CEP112: variants seen among roughly 807,000 people sequenced by gnomAD.
CEP112 encodes the protein centrosomal protein of 112 kDa.
A neutral mutation model predicts 153.0 loss-of-function variants in CEP112; 127 were observed. The observed-to-expected ratio is 0.83, with a 90% confidence interval of 0.72 to 0.96. The LOEUF (loss-of-function observed/expected upper bound fraction) is 0.96, where lower values mean the gene tolerates loss of function less well. CEP112 is among the 40% of genes least tolerant of loss of function. The pLI, the probability that CEP112 is intolerant of heterozygous loss-of-function variation, is 0.00. For missense variants in CEP112, 1,089 were observed against 1,101.2 expected, an observed-to-expected ratio of 0.99 and a Z score of 0.16; for synonymous variants, 358 against 374.4, an observed-to-expected ratio of 0.96 and a Z score of 0.51.
chr17:65,940,208 C>T (rs929891290), intron 18 of CEP112, among the ~76,000 whole-genome samples: 1 of 152,060 alleles, frequency 6.6e-6, no homozygotes, highest in African/African-American at 2.4e-5. Flanking sequence ...ACTGTTAGAA[C>T]AGTTTTTATC....
chr17:65,733,311 G>A (rs1405368282), intron 23 of CEP112, among the ~76,000 whole-genome samples: 1 of 152,046 alleles, frequency 6.6e-6, no homozygotes, highest in Non-Finnish European at 1.5e-5. Context: ...TAGTAACATC[G>A]AAGATCACTG....
intron 23 of CEP112, among the ~76,000 whole-genome samples, chr17:65,696,789 C>T (rs1045919146): frequency 4.6e-5 from 7 of 151,446 alleles, no homozygotes; most frequent in African/African-American, 1.5e-4. Context: ...TAAAAGCTTC[C>T]GTAATAAAAA....
chr17:65,806,177 C>T (rs1316669186), intron 21 of CEP112, among the ~76,000 whole-genome samples: 2 of 152,072 alleles, frequency 1.3e-5, no homozygotes, highest in East Asian at 3.9e-4. Flanking sequence ...TGTACTGGTG[C>T]CTAAAACATG....
chr17:65,965,704 T>G (rs1171869678), intron 17 of CEP112, among the ~76,000 whole-genome samples: 1 of 151,826 alleles, frequency 6.6e-6, no homozygotes, highest in African/African-American at 2.4e-5. Flanking sequence ...TTCTTTTTTG[T>G]AGAAATGGGG....
At chr17:66,027,073 A>G (rs2065243125) in intron 16 of CEP112, among the ~76,000 whole-genome samples, 1 of 152,248 alleles carries the variant, frequency 6.6e-6, no homozygotes, top group South Asian at 2.1e-4. Flanking sequence ...AGCTGAAATT[A>G]ACTTAGAAAC....
At chr17:65,843,227 T>C (rs1226553349) in intron 21 of CEP112, among the ~76,000 whole-genome samples, 2 of 152,182 alleles carry the variant, frequency 1.3e-5, no homozygotes, top group African/African-American at 4.8e-5. Flanking sequence ...TTTTACCTGG[T>C]AAATTAAATT....
intron 23 of CEP112, among the ~76,000 whole-genome samples, chr17:65,732,106 T>A (rs2050541173): frequency 6.6e-6 from 1 of 152,194 alleles, no homozygotes; most frequent in Non-Finnish European, 1.5e-5. Flanking sequence ...GCAGCTACAG[T>A]CTTATGAAGT....
chr17:66,181,146 G>A (rs1379972476), intron 2 of CEP112, among the ~76,000 whole-genome samples: 1 of 152,042 alleles, frequency 6.6e-6, no homozygotes, highest in Non-Finnish European at 1.5e-5. Context: ...ATTCCTCTAT[G>A]TAAAATAATG....
chr17:65,986,284 A>G (rs2063404382), intron 17 of CEP112, among the ~76,000 whole-genome samples: 1 of 152,208 alleles, frequency 6.6e-6, no homozygotes. Context: ...AAATAGACTA[A>G]TTAAAAATAT....
In CEP112 at chr17:66,183,209, A is replaced by C. The variant is rs779415676; in HGVS notation, c.91T>G (p.Leu31Val). The C allele has an allele frequency of 6.2e-7, 1 of 1,602,540 alleles. No individual in the cohort carries two copies. Among genetic ancestry groups the C allele is most frequent in the Admixed American group, 1.7e-5 (1 of 58,574 alleles). Reference protein sequence around the residue: ...VVDMKPFVLKLPHRTERQRCA... With the variant: ...VVDMKPFVLKVPHRTERQRCA... ...ATAATCTTACCTGTCCTATGAGGTA[A>C]TTTTAGAACAAAGGGCTTCATATCA... The change falls in exon 2 of 27, where the codon TTA becomes GTA. Residue 31 changes from leucine (L) to valine (V), a missense_variant. Leu to Val is a conservative substitution (Grantham distance 32, BLOSUM62 1). Transcript: ENST00000535342.
intron 8 of CEP112, among the ~76,000 whole-genome samples, chr17:66,080,360 A>G (rs2067668816): frequency 6.6e-6 from 1 of 152,220 alleles, no homozygotes; most frequent in South Asian, 2.1e-4. Flanking sequence ...AAGGATAGAA[A>G]CAGACACTTC....
chr17:66,180,035 C>T (rs774528884), intron 2 of CEP112, among the ~76,000 whole-genome samples: 25 of 152,052 alleles, frequency 1.6e-4, no homozygotes, highest in Non-Finnish European at 3.2e-4. Flanking sequence ...TGGGATAAAT[C>T]CTAGTTGGTC....
At chr17:65,849,575 A>G (rs2057852894) in intron 21 of CEP112, among the ~76,000 whole-genome samples, 1 of 152,228 alleles carries the variant, frequency 6.6e-6, no homozygotes, top group Non-Finnish European at 1.5e-5. Context: ...TATTAAAAAG[A>G]GGCATTTGGA....
chr17:65,836,535 G>A (rs1242423576), intron 21 of CEP112, among the ~76,000 whole-genome samples: 1 of 152,046 alleles, frequency 6.6e-6, no homozygotes, highest in African/African-American at 2.4e-5. Context: ...TGTAAAAAGA[G>A]AGACAAAGAA....
At chr17:65,696,181 A>G (rs1042150405) in intron 23 of CEP112, among the ~76,000 whole-genome samples, 2 of 152,180 alleles carry the variant, frequency 1.3e-5, no homozygotes, top group Non-Finnish European at 2.9e-5. Context: ...AGCAGTTCTC[A>G]TTGAGTTGAA....
intron 16 of CEP112, among the ~76,000 whole-genome samples, chr17:66,011,628 T>C (rs1469845841): frequency 5.9e-5 from 9 of 152,164 alleles, no homozygotes; most frequent in Admixed American, 5.9e-4. Context: ...GATTGTTTTG[T>C]GTCCAATTGT....
At chr17:66,096,416 G>T in intron 7 of CEP112, 88 bp from the exon 8 acceptor site, 1 of 1,295,714 alleles carries the variant, frequency 7.7e-7, no homozygotes, top group Non-Finnish European at 1.1e-6. Context: ...CCTGAGGCCC[G>T]TACCAAAATA....
At chr17:65,688,843 C>G (rs2047948394) in intron 24 of CEP112, 1 of 271,596 alleles carries the variant, frequency 3.7e-6, no homozygotes, top group African/African-American at 2.3e-5. Flanking sequence ...TCTCGGCTCA[C>G]TGCAACCTCT....
chr17:65,741,518 T>G (rs1251275764), intron 23 of CEP112, among the ~76,000 whole-genome samples: 1 of 150,692 alleles, frequency 6.6e-6, no homozygotes, highest in Non-Finnish European at 1.5e-5. Context: ...TTAAATAATT[T>G]AAAAATTAAG....
Sources: gnomAD v4.1 joint callset for allele counts (sites outside exome capture counted in the v4.1 genomes callset) on GRCh38, gnomAD v4.1.1 for gene constraint, MANE v1.5 for transcripts, NCBI Gene and HGNC (gene_info 2026-07-23, HGNC 2026-07-21) for gene names.